Variants in SQSTM1 observed in about 807,000 individuals in gnomAD.
The protein encoded by SQSTM1 is sequestosome 1, also known as sequestosome-1.
SQSTM1 carries 36 observed loss-of-function variants against 45.1 expected under a neutral mutation model. The ratio of observed to expected loss-of-function variants is 0.80; its 90% CI spans 0.61 to 1.05. The LOEUF is 1.05. SQSTM1 is among the 50% of genes least tolerant of loss of function. SQSTM1 has a pLI of 0.00. For synonymous variants in SQSTM1, 290 were observed against 244.3 expected (o/e 1.19, Z -1.74); for missense variants, 617 against 607.1 (o/e 1.02, Z -0.17).
chr5:179,816,609 C>G (rs547657909), upstream of SQSTM1, among the ~76,000 whole-genome samples: 1 of 152,358 alleles, frequency 6.6e-6, no homozygotes, highest in East Asian at 1.9e-4. Context: ...GCTGGCGCTC[C>G]TAGAGAAGGC....
At chr5:179,819,488 T>G (rs996661206), upstream of SQSTM1, among the ~76,000 whole-genome samples, 7 of 152,318 alleles carry the variant, frequency 4.6e-5, no homozygotes, top group East Asian at 1.4e-3. Flanking sequence ...AGGCCTTCCT[T>G]GTGTCCCTCA....
At chr5:179,808,594 A>G in intron 1 of SQSTM1, among the ~76,000 whole-genome samples, 1 of 151,500 alleles carries the variant, frequency 6.6e-6, no homozygotes, top group East Asian at 1.9e-4. Context: ...GAGGCAGGCG[A>G]ATCACGAGGT....
At chr5:179,811,936 C>G (rs971014925) in intron 2 of SQSTM1, 1 of 152,176 alleles carries the variant, frequency 6.6e-6, no homozygotes, top group African/African-American at 2.4e-5. Flanking sequence ...TCCTGAGTAG[C>G]TGGGACTACA....
intron 5 of SQSTM1, among the ~76,000 whole-genome samples, chr5:179,828,369 C>CTTTTTTT (rs57483633): frequency 2.1e-4 from 21 of 98,270 alleles, no homozygotes; most frequent in Non-Finnish European, 2.5e-4. Context: ...TTTTTCTTAT[C>CTTTTTTT]TTTTTTTTTT....
At chr5:179,826,610 T>TTC (rs1339232173) in intron 5 of SQSTM1, among the ~76,000 whole-genome samples, 1 of 151,452 alleles carries the variant, frequency 6.6e-6, no homozygotes, top group Admixed American at 6.6e-5. Context: ...TTTTTTTTTT[T>TTC]TTTCTTTGAG....
intron 7 of SQSTM1, 75 bp downstream of exon 7, chr5:179,833,857 G>A (rs1010118603): frequency 1.6e-5 from 24 of 1,502,840 alleles, no homozygotes; most frequent in African/African-American, 5.7e-5. Flanking sequence ...TGATTTCAGC[G>A]ACACAAACAG....
At chr5:179,820,751 G>T, upstream of SQSTM1, 1 of 510,388 alleles carries the variant, frequency 2.0e-6, no homozygotes, top group Admixed American at 4.3e-5. Flanking sequence ...GGGGTAGCGG[G>T]GAAGGGGAGA....
intron 5 of SQSTM1, among the ~76,000 whole-genome samples, chr5:179,830,778 G>C (rs1758176937): frequency 6.6e-6 from 1 of 151,900 alleles, no homozygotes; most frequent in South Asian, 2.1e-4. Flanking sequence ...GGCTGGTCTT[G>C]AACTCCTGAC....
At chr5:179,818,810 G>A (rs887120929), upstream of SQSTM1, 1 of 152,408 alleles carries the variant, frequency 6.6e-6, no homozygotes, top group African/African-American at 2.4e-5. Flanking sequence ...TCCATAGTGG[G>A]TCTCGCGGCT....
chr5:179,835,106 G>GAC (rs1758464044), intron 7 of SQSTM1: 2 of 216,880 alleles, frequency 9.2e-6, no homozygotes, highest in Non-Finnish European at 1.9e-5. Flanking sequence ...GCCAGGCAGA[G>GAC]GCGCTCCTCA....
chr5:179,808,861 C>CT lies in SQSTM1; in HGVS notation c.-157+2272dup, dbSNP rs1373783609. On this transcript the variant is annotated intron_variant, in intron 1 of 5. Coordinates refer to the SQSTM1 transcript ENST00000514093. ...ATTTATTTATTTATTTTTAGTTTAT[C>CT]TTATTTTTTTTTTTGAGACGGAGTC... Among the ~76,000 whole-genome samples, 11 of 98,102 alleles carry CT rather than the reference C, an allele frequency of 1.1e-4. No homozygotes were observed. In the East Asian group the frequency reaches 1.2e-3, roughly 10 times the overall value. 64.4% of individuals were successfully genotyped at this position (98,102 alleles called of 152,430 possible).
At chr5:179,808,401 C>T (rs1184707502) in intron 1 of SQSTM1, 1 of 152,202 alleles carries the variant, frequency 6.6e-6, no homozygotes, top group East Asian at 1.9e-4. Context: ...TAGGAGCCTT[C>T]TAGAGGAAAC....
chr5:179,811,397 C>T (rs1562635639), intron 1 of SQSTM1, among the ~76,000 whole-genome samples: 1 of 22,330 alleles, frequency 4.5e-5, no homozygotes, highest in Admixed American at 6.3e-4. Flanking sequence ...AGGAGCTATG[C>T]AGGGGGAGGA....
intron 7 of SQSTM1, among the ~76,000 whole-genome samples, chr5:179,834,935 G>C (rs1432449214): frequency 6.6e-6 from 1 of 152,210 alleles, no homozygotes; most frequent in East Asian, 1.9e-4. Flanking sequence ...TCCCAGACGG[G>C]GTGGTGGCCG....
At chr5:179,831,191 A>G (rs1387538610) in intron 5 of SQSTM1, among the ~76,000 whole-genome samples, 1 of 152,262 alleles carries the variant, frequency 6.6e-6, no homozygotes, top group Non-Finnish European at 1.5e-5. Context: ...AGGGGGTCAC[A>G]GCATCACAGC....
At chr5:179,807,656 TG>T (rs1757238891) in intron 1 of SQSTM1, 1 of 152,562 alleles carries the variant, frequency 6.6e-6, no homozygotes, top group Non-Finnish European at 1.5e-5. Context: ...TGTTGTTTTT[TG>T]TTTGTTTGTT....
Position 179,836,819 on chromosome 5 carries a change from GC to G in SQSTM1, c.*227del. The G allele has an allele frequency of 7.0e-6, 5 of 710,760 alleles. No individual in the cohort carries two copies. The highest frequency in any genetic ancestry group is 1.2e-5 in the Non-Finnish European group (5 of 417,078). 44.0% of individuals were successfully genotyped at this position (710,760 alleles called of 1,614,324 possible). ...GGGTGCCCTGGCTCCTTGCAGCAGG[GC>G]TGGGCCTGCGAGACCCAAGGCTCAC... is the stretch of plus-strand genomic sequence containing the variant. On this transcript the variant is annotated 3_prime_UTR_variant, in exon 8 of 8. Transcript: ENST00000389805.
At chr5:179,815,959 G>A (rs765798514), upstream of SQSTM1, among the ~76,000 whole-genome samples, 1 of 152,044 alleles carries the variant, frequency 6.6e-6, no homozygotes. Flanking sequence ...CAAAGTGGGT[G>A]CACAGGGACT....
chr5:179,825,118 C>A, intron 4 of SQSTM1, 28 bp from the exon 5 acceptor site: 1 of 1,601,704 alleles, frequency 6.2e-7, no homozygotes, highest in Non-Finnish European at 8.6e-7. Context: ...TTAAAGATAT[C>A]TTTATCTTAT....
Sources: gnomAD v4.1 joint callset for allele counts (sites outside exome capture counted in the v4.1 genomes callset) on GRCh38, gnomAD v4.1.1 for gene constraint, MANE v1.5 for transcripts, NCBI Gene and HGNC (gene_info 2026-07-23, HGNC 2026-07-21) for gene names.